DCDC1: variants seen among roughly 807,000 people sequenced by gnomAD.
The protein encoded by DCDC1 is doublecortin domain-containing protein 1.
DCDC1 carries 200 observed loss-of-function variants against 178.3 expected under a neutral mutation model. That is an observed-to-expected ratio of 1.12 (90% CI 1.00 to 1.26). DCDC1 has a LOEUF of 1.26. Among genes scored for constraint, DCDC1 ranks in the 50% most tolerant of loss-of-function variants. The pLI is 0.00. For missense variants in DCDC1, 1,983 were observed against 1,749.2 expected, an observed-to-expected ratio of 1.13 and a Z score of -2.38; for synonymous variants, 690 against 604.8, an observed-to-expected ratio of 1.14 and a Z score of -2.07.
intron 36 of DCDC1, among the ~76,000 whole-genome samples, chr11:30,887,363 T>C (rs1943267952): frequency 6.6e-6 from 1 of 152,220 alleles, no homozygotes; most frequent in Non-Finnish European, 1.5e-5. Flanking sequence ...CTACTTGCGA[T>C]GCTGTGATGC....
intron 1 of DCDC1, among the ~76,000 whole-genome samples, chr11:31,362,984 C>T (rs984650459): frequency 1.3e-5 from 2 of 152,016 alleles, no homozygotes; most frequent in African/African-American, 4.8e-5. Flanking sequence ...AACCCTGATG[C>T]TAAATGAAGA....
chr11:31,002,992 G>A (rs1951656074), intron 20 of DCDC1, among the ~76,000 whole-genome samples: 1 of 151,858 alleles, frequency 6.6e-6, no homozygotes, highest in Non-Finnish European at 1.5e-5. Context: ...CTAATACACT[G>A]TTATAGAAAT....
chr11:31,200,528 T>C (rs753794416), intron 9 of DCDC1, among the ~76,000 whole-genome samples: 3 of 152,054 alleles, frequency 2.0e-5, no homozygotes, highest in Admixed American at 6.6e-5. Context: ...GGTCAGAAAG[T>C]CAACAAGTTA....
intron 3 of DCDC1, among the ~76,000 whole-genome samples, chr11:31,322,981 C>T (rs1949447974): frequency 6.6e-6 from 1 of 152,088 alleles, no homozygotes; most frequent in African/African-American, 2.4e-5. Flanking sequence ...TTTTATTAAA[C>T]ACCTTTACTA....
chr11:31,058,784 A>G (rs1308515215), intron 20 of DCDC1, among the ~76,000 whole-genome samples: 1 of 152,116 alleles, frequency 6.6e-6, no homozygotes, highest in Non-Finnish European at 1.5e-5. Context: ...GAGATAGACA[A>G]GGTAGGAAGC....
chr11:30,867,915 A>T (rs1198905884), intron 38 of DCDC1, among the ~76,000 whole-genome samples: 1 of 152,158 alleles, frequency 6.6e-6, no homozygotes, highest in African/African-American at 2.4e-5. Context: ...CTAGAAGAGG[A>T]TGTAGCAGCT....
intron 9 of DCDC1, among the ~76,000 whole-genome samples, chr11:31,152,345 T>C (rs957643604): frequency 3.3e-5 from 5 of 152,126 alleles, no homozygotes; most frequent in East Asian, 1.9e-4. Context: ...GGCTGGGAGA[T>C]AGAGTATAGT....
In DCDC1 at chr11:31,093,462, T is replaced by G. The variant is rs1957939879; in HGVS notation, c.2118+588A>C. ...CATCTCTTTTCAACATAAATACATA[T>G]TTACAAAATGTACTGCAGTAGTAAG... On this transcript the variant is annotated intron_variant, in intron 16 of 38. Coordinates refer to ENST00000684477, the MANE Select transcript of DCDC1 (RefSeq NM_001387274.1). 2.0e-5 allele frequency among the ~76,000 whole-genome samples: 3 copies of G among 152,218 alleles called. No individual in the cohort carries two copies. In the South Asian group the frequency reaches 6.2e-4, roughly 32 times the overall value.
chr11:31,114,867 G>A (rs551459909), intron 11 of DCDC1, among the ~76,000 whole-genome samples: 2 of 152,222 alleles, frequency 1.3e-5, no homozygotes, highest in South Asian at 2.1e-4. Flanking sequence ...AAGGCAATCC[G>A]AAGCCAGGGT....
chr11:31,178,585 C>T (rs1968372727), intron 9 of DCDC1, among the ~76,000 whole-genome samples: 1 of 152,122 alleles, frequency 6.6e-6, no homozygotes, highest in African/African-American at 2.4e-5. Context: ...GAAGAGACAA[C>T]CTACAGAATA....
chr11:31,329,481 T>C (rs1399288758), intron 2 of DCDC1, among the ~76,000 whole-genome samples: 1 of 152,174 alleles, frequency 6.6e-6, no homozygotes, highest in Non-Finnish European at 1.5e-5. Flanking sequence ...ATGTGCCATG[T>C]TGGTTTGCTG....
At chr11:31,022,129 A>G (rs1307600923) in intron 20 of DCDC1, among the ~76,000 whole-genome samples, 1 of 152,176 alleles carries the variant, frequency 6.6e-6, no homozygotes, top group Non-Finnish European at 1.5e-5. Flanking sequence ...GTTTAAAACA[A>G]CAGAAATTAA....
chr11:30,897,847 G>A (rs991196210), intron 34 of DCDC1, among the ~76,000 whole-genome samples: 3 of 152,032 alleles, frequency 2.0e-5, no homozygotes, highest in Admixed American at 2.0e-4. Context: ...TCACATAAAT[G>A]GGTAATCATA....
intron 29 of DCDC1, among the ~76,000 whole-genome samples, chr11:30,907,212 TAAAAAC>T (rs1372083650): frequency 6.6e-6 from 1 of 151,982 alleles, no homozygotes; most frequent in Non-Finnish European, 1.5e-5. Context: ...ACAATATAAA[TAAAAAC>T]AAATAAACCC....
chr11:31,305,815 A>T (rs775089612), intron 5 of DCDC1, 38 bp from the exon 6 acceptor site: 1 of 1,601,318 alleles, frequency 6.2e-7, no homozygotes, highest in Admixed American at 1.7e-5. Context: ...GTGATTTACT[A>T]CAAAGAAAGT....
At chr11:30,914,251 C>G (rs1945661961) in intron 27 of DCDC1, among the ~76,000 whole-genome samples, 1 of 152,238 alleles carries the variant, frequency 6.6e-6, no homozygotes, top group African/African-American at 2.4e-5. Context: ...GTTTTCCCGT[C>G]TTTTCTAACA....
At chr11:31,109,766 C>T (rs1467852350) in intron 12 of DCDC1, among the ~76,000 whole-genome samples, 7 of 152,136 alleles carry the variant, frequency 4.6e-5, no homozygotes, top group Non-Finnish European at 1.0e-4. Flanking sequence ...AGAGCCTGAG[C>T]ATGTTGGTTC....
At chr11:30,994,417 A>G (rs887843698) in intron 20 of DCDC1, among the ~76,000 whole-genome samples, 3 of 151,428 alleles carry the variant, frequency 2.0e-5, no homozygotes, top group Non-Finnish European at 4.4e-5. Flanking sequence ...TCAGCCTCCC[A>G]AGTAGTTGAA....
rs113728975 is a variant in DCDC1, at chr11:30,997,545, T to C, written c.2592-44977A>G. Among the ~76,000 whole-genome samples the C allele has an allele frequency of 2.1e-3, 319 of 152,266 alleles. 1 individual carries two copies. The highest frequency in any genetic ancestry group is 7.2e-3 in the African/African-American group (299 of 41,548). On this transcript the variant is annotated intron_variant, in intron 20 of 38. Transcript: ENST00000684477. ...AAAAAGACAAAGACAAAAAGAATTG[T>C]ATATAAGTATTGTATGCCAGCTGTT... is the stretch of plus-strand genomic sequence containing the variant.
Sources: gnomAD v4.1 joint callset for allele counts (sites outside exome capture counted in the v4.1 genomes callset) on GRCh38, gnomAD v4.1.1 for gene constraint, MANE v1.5 for transcripts, NCBI Gene and HGNC (gene_info 2026-07-23, HGNC 2026-07-21) for gene names.